Variants in DEPDC5 observed in about 807,000 individuals in gnomAD.
The protein encoded by DEPDC5 is GATOR1 complex protein DEPDC5.
In DEPDC5, 73 loss-of-function variants were observed where a neutral mutation model predicts 217.3. That is an observed-to-expected ratio of 0.34 (90% CI 0.28 to 0.41). The LOEUF (loss-of-function observed/expected upper bound fraction) is 0.41, where lower values mean the gene tolerates loss of function less well. Among genes scored for constraint, DEPDC5 ranks in the 10% least tolerant of loss-of-function variants. DEPDC5 has a pLI of 1.00. For synonymous variants in DEPDC5, 733 were observed against 756.7 expected (o/e 0.97, Z 0.51); for missense variants, 1,675 against 2,070.1 (o/e 0.81, Z 3.70).
intron 18 of DEPDC5, among the ~76,000 whole-genome samples, chr22:31,808,733 A>T (rs1013462629): frequency 7.4e-5 from 11 of 148,440 alleles, no homozygotes; most frequent in Non-Finnish European, 4.5e-5. Flanking sequence ...TGCCCAGCTA[A>T]TTTTTGTATT....
At chr22:31,782,559 C>T (rs1166186618) in intron 8 of DEPDC5, among the ~76,000 whole-genome samples, 1 of 152,172 alleles carries the variant, frequency 6.6e-6, no homozygotes, top group Non-Finnish European at 1.5e-5. Flanking sequence ...TGGTATAGCA[C>T]ACAGGGCTAG....
intron 22 of DEPDC5, among the ~76,000 whole-genome samples, chr22:31,820,329 C>T (rs371403101): frequency 6.6e-6 from 1 of 152,176 alleles, no homozygotes; most frequent in South Asian, 2.1e-4. Flanking sequence ...TCAGGCTGGT[C>T]TCAAACTCCT....
chr22:31,867,775 C>G (rs1569152966), intron 33 of DEPDC5, among the ~76,000 whole-genome samples: 3 of 152,202 alleles, frequency 2.0e-5, no homozygotes, highest in East Asian at 3.8e-4. Flanking sequence ...GAGGACAACT[C>G]TTTAACCACC....
At chr22:31,886,032 CA>C (rs1234869480) in intron 38 of DEPDC5, among the ~76,000 whole-genome samples, 3,491 of 105,116 alleles carry the variant, frequency 0.033, 90 homozygotes, top group African/African-American at 0.098. Flanking sequence ...GACTCCCTCT[CA>C]AAAAAAAAAA....
At chr22:31,762,879 A>G (rs1383740951) in intron 4 of DEPDC5, among the ~76,000 whole-genome samples, 1 of 151,972 alleles carries the variant, frequency 6.6e-6, no homozygotes, top group Non-Finnish European at 1.5e-5. Context: ...CAGTCTCACA[A>G]TCTTGGCTGA....
chr22:31,843,039 GTC>G, intron 27 of DEPDC5, 54 bp from the exon 28 acceptor site: 1 of 1,306,152 alleles, frequency 7.7e-7, no homozygotes, highest in Non-Finnish European at 1.1e-6. Flanking sequence ...AGAAACAATT[GTC>G]TGTTATAGGA....
chr22:31,864,530 A>ATATATATATT lies in DEPDC5; in HGVS notation c.3330+3100_3330+3101insATATATTTAT, dbSNP rs1372150061. ...TATATATATATATATATATATTTAT[A>ATATATATATT]TATTTATTTATTTACTGTGTGTATT... On this transcript the variant is annotated intron_variant, in intron 33 of 42. Coordinates refer to ENST00000651528, the MANE Select transcript of DEPDC5 (RefSeq NM_001242896.3). Among the ~76,000 whole-genome samples the ATATATATATT allele has an allele frequency of 4.0e-3, 552 of 138,950 alleles. 8 individuals carry two copies. Among genetic ancestry groups the ATATATATATT allele is most frequent in the Middle Eastern group, 0.011 (3 of 266 alleles). The allele number at this position is 138,950 out of a possible 152,430, so 91.2% of individuals were successfully genotyped here. A position where few individuals can be genotyped will look rare whatever the true frequency, so the allele number is the denominator to read the frequency against.
intron 41 of DEPDC5, among the ~76,000 whole-genome samples, chr22:31,904,433 G>T (rs559456291): frequency 2.0e-5 from 3 of 152,298 alleles, no homozygotes; most frequent in African/African-American, 7.2e-5. Context: ...GAAATCAGTA[G>T]CCTTAATTAG....
intron 10 of DEPDC5, among the ~76,000 whole-genome samples, chr22:31,789,627 A>G: frequency 6.6e-6 from 1 of 152,364 alleles, no homozygotes; most frequent in East Asian, 1.9e-4. Context: ...CAATTAAAAA[A>G]TTATTTCATT....
intron 26 of DEPDC5, among the ~76,000 whole-genome samples, chr22:31,837,910 C>G (rs2091131566): frequency 6.6e-6 from 1 of 151,994 alleles, no homozygotes; most frequent in African/African-American, 2.4e-5. Flanking sequence ...ACCATGTTGG[C>G]CAGGCTGGTC....
At chr22:31,902,726 A>G (rs1219599371) in intron 41 of DEPDC5, among the ~76,000 whole-genome samples, 3 of 152,060 alleles carry the variant, frequency 2.0e-5, no homozygotes, top group Non-Finnish European at 2.9e-5. Context: ...TGGCTGAGGA[A>G]CCATGAGCAA....
chr22:31,900,297 T>A (rs2093626198), intron 40 of DEPDC5, among the ~76,000 whole-genome samples: 1 of 151,260 alleles, frequency 6.6e-6, no homozygotes, highest in African/African-American at 2.4e-5. Flanking sequence ...TCCACCCACC[T>A]CAGCCTCCCA....
chr22:31,845,285 G>A lies in DEPDC5; in HGVS notation c.3021+48G>A, dbSNP rs774711162. The A allele has an allele frequency of 3.2e-6, 5 of 1,573,044 alleles. No individual in the cohort carries two copies. In the African/African-American group the frequency reaches 6.8e-5, roughly 21 times the overall value. ...GAGTGCGCCTGGTGTGAGATGCAGG[G>A]CCTGCCACCTCCTCTATTAGGGGCC... On this transcript the variant is annotated intron_variant, in intron 30 of 42. Transcript: ENST00000651528.
intron 2 of DEPDC5, chr22:31,757,627 T>C (rs2082044564): frequency 6.6e-6 from 1 of 152,234 alleles, no homozygotes; most frequent in South Asian, 2.1e-4. Context: ...TTAAAGGTGA[T>C]GTCTTTCCTT....
chr22:31,768,188 C>G (rs2082996113), intron 6 of DEPDC5, among the ~76,000 whole-genome samples: 1 of 150,518 alleles, frequency 6.6e-6, no homozygotes, highest in Non-Finnish European at 1.5e-5. Flanking sequence ...TTTGATGCAC[C>G]CATTACCCAA....
At chr22:31,766,483 CT>C (rs1032330767) in intron 5 of DEPDC5, 101 bp from the exon 6 acceptor site, 18 of 1,166,874 alleles carry the variant, frequency 1.5e-5, no homozygotes, top group Non-Finnish European at 2.1e-5. Context: ...CAGTAGTTTT[CT>C]TTTTTGCAAT....
Position 31,810,581 on chromosome 22 carries a change from A to G in DEPDC5, c.1385A>G (p.Tyr462Cys), listed in dbSNP as rs747546981. The G allele has an allele frequency of 1.4e-5, 22 of 1,614,068 alleles. No homozygotes were observed. Among genetic ancestry groups the G allele is most frequent in the South Asian group, 8.8e-5 (8 of 91,090 alleles). The change falls in exon 20 of 43, where the codon TAT (tyrosine) becomes TGT (cysteine). Residue 462 changes from tyrosine to cysteine, a missense_variant. Transcript: ENST00000651528. ...CCCATCCAAGTAGATTATGACGCCTATGACGCTCAAGTGTTCAGGCTGCCC... is the reference window on the plus strand; with the variant it reads ...CCCATCCAAGTAGATTATGACGCCTGTGACGCTCAAGTGTTCAGGCTGCCC... ...ALPIQVDYDA[Y>C]DAQVFRLPGP...
At chr22:31,890,870 C>T (rs2093425543) in intron 38 of DEPDC5, among the ~76,000 whole-genome samples, 1 of 151,844 alleles carries the variant, frequency 6.6e-6, no homozygotes, top group African/African-American at 2.4e-5. Flanking sequence ...GGATTACAGG[C>T]ATGCATCACC....
intron 14 of DEPDC5, among the ~76,000 whole-genome samples, chr22:31,799,949 C>A (rs965087163): frequency 6.6e-6 from 1 of 151,230 alleles, no homozygotes; most frequent in Admixed American, 6.6e-5. Context: ...ATCACAGGCA[C>A]GTGCCACCAC....
Sources: gnomAD v4.1 joint callset for allele counts (sites outside exome capture counted in the v4.1 genomes callset) on GRCh38, gnomAD v4.1.1 for gene constraint, MANE v1.5 for transcripts, NCBI Gene and HGNC (gene_info 2026-07-23, HGNC 2026-07-21) for gene names.